Variants in ATRNL1 observed in about 807,000 individuals in gnomAD.
The protein encoded by ATRNL1 is attractin-like protein 1.
In ATRNL1, 95 loss-of-function variants were observed where a neutral mutation model predicts 182.7. The ratio of observed to expected loss-of-function variants is 0.52; its 90% CI spans 0.44 to 0.62. The LOEUF is 0.62. ATRNL1 is among the 20% of genes least tolerant of loss of function. The pLI, the probability that ATRNL1 is intolerant of heterozygous loss-of-function variation, is 0.00. For missense variants in ATRNL1, 1,471 were observed against 1,679.5 expected, an observed-to-expected ratio of 0.88 and a Z score of 2.17; for synonymous variants, 576 against 568.3, an observed-to-expected ratio of 1.01 and a Z score of -0.19.
At chr10:115,751,692 AG>A (rs1593168255) in intron 27 of ATRNL1, among the ~76,000 whole-genome samples, 2 of 152,208 alleles carry the variant, frequency 1.3e-5, no homozygotes, top group Non-Finnish European at 1.5e-5. Flanking sequence ...TGTACTATGC[AG>A]TTGTAAAAAA....
intron 8 of ATRNL1, among the ~76,000 whole-genome samples, chr10:115,205,829 A>G (rs1387631956): frequency 6.6e-6 from 1 of 152,002 alleles, no homozygotes; most frequent in Non-Finnish European, 1.5e-5. Context: ...GGCCATGTAA[A>G]TATTTTTGCT....
At chr10:115,203,745 A>ATTTTTTTTTTTTTT in intron 8 of ATRNL1, among the ~76,000 whole-genome samples, 1 of 106,050 alleles carries the variant, frequency 9.4e-6, no homozygotes, top group Non-Finnish European at 1.8e-5. Flanking sequence ...ATGCCTGGCT[A>ATTTTTTTTTTTTTT]TTTTTTTTTT....
intron 18 of ATRNL1, among the ~76,000 whole-genome samples, chr10:115,331,797 T>G (rs1855237196): frequency 6.6e-6 from 1 of 152,188 alleles, no homozygotes; most frequent in Non-Finnish European, 1.5e-5. Context: ...GAGCCCAGCT[T>G]TGACATGATT....
chr10:115,715,415 C>T (rs887498654), intron 26 of ATRNL1, among the ~76,000 whole-genome samples: 1 of 152,088 alleles, frequency 6.6e-6, no homozygotes, highest in African/African-American at 2.4e-5. Context: ...CCTTATCTGT[C>T]CTATCTTTTG....
chr10:115,584,881 C>A (rs1424656053), intron 26 of ATRNL1, among the ~76,000 whole-genome samples: 4 of 150,900 alleles, frequency 2.7e-5, no homozygotes, highest in Non-Finnish European at 5.9e-5. Flanking sequence ...CTCTTGTGGG[C>A]ATTTAGTGCT....
chr10:115,484,379 A>G (rs1848918172), intron 24 of ATRNL1, among the ~76,000 whole-genome samples: 1 of 151,546 alleles, frequency 6.6e-6, no homozygotes, highest in East Asian at 1.9e-4. Context: ...TTTACAGTTA[A>G]AAAAACCAAG....
At chr10:115,692,092 G>T (rs1052194641) in intron 26 of ATRNL1, among the ~76,000 whole-genome samples, 1 of 152,092 alleles carries the variant, frequency 6.6e-6, no homozygotes, top group Admixed American at 6.6e-5. Context: ...ACTTCATGAG[G>T]TTCTGAAACT....
intron 27 of ATRNL1, among the ~76,000 whole-genome samples, chr10:115,797,415 A>C (rs1949679641): frequency 6.6e-6 from 1 of 152,164 alleles, no homozygotes; most frequent in Non-Finnish European, 1.5e-5. Context: ...AGCAGGTATC[A>C]ACTTTTATAG....
intron 26 of ATRNL1, among the ~76,000 whole-genome samples, chr10:115,650,179 G>C (rs1859895704): frequency 6.6e-6 from 1 of 152,022 alleles, no homozygotes. Context: ...AAGCAAACGT[G>C]ATTTCATTAT....
intron 27 of ATRNL1, among the ~76,000 whole-genome samples, chr10:115,822,487 C>T (rs187151502): frequency 9.2e-5 from 14 of 152,090 alleles, no homozygotes; most frequent in South Asian, 2.1e-4. Flanking sequence ...TCAGTGAATC[C>T]AGGAGCTGGT....
intron 21 of ATRNL1, among the ~76,000 whole-genome samples, chr10:115,436,306 T>C (rs1846404134): frequency 6.6e-6 from 1 of 152,150 alleles, no homozygotes; most frequent in South Asian, 2.1e-4. Flanking sequence ...GGTCATGGCA[T>C]ATTATTAAAA....
intron 27 of ATRNL1, among the ~76,000 whole-genome samples, chr10:115,813,603 T>TATC (rs148182027): frequency 0.013 from 1,942 of 152,316 alleles, 37 homozygotes; most frequent in African/African-American, 0.043. Flanking sequence ...GGCATTAGAT[T>TATC]ATCACTAACA....
chr10:115,146,062 T>C (rs1000334427), intron 5 of ATRNL1, among the ~76,000 whole-genome samples: 4 of 152,058 alleles, frequency 2.6e-5, no homozygotes, highest in Admixed American at 2.0e-4. Context: ...TTTTTCTGGT[T>C]ATTAGACTTC....
intron 18 of ATRNL1, among the ~76,000 whole-genome samples, chr10:115,329,241 T>C (rs1180372459): frequency 6.6e-6 from 1 of 152,088 alleles, no homozygotes; most frequent in African/African-American, 2.4e-5. Context: ...TATTTCATTA[T>C]GGTCAGAAAA....
intron 19 of ATRNL1, among the ~76,000 whole-genome samples, chr10:115,355,107 T>G (rs1417583163): frequency 6.6e-6 from 1 of 152,150 alleles, no homozygotes; most frequent in African/African-American, 2.4e-5. Flanking sequence ...TGTCTGAGAA[T>G]ATATGTATCT....
In ATRNL1 at chr10:115,944,822, G is replaced by A. The variant is rs782394268; in HGVS notation, c.*43G>A. 80 of 1,583,724 alleles carry A rather than the reference G, an allele frequency of 5.1e-5. No homozygotes were observed. The Admixed American group carries it at 8.0e-4, about 16-fold the overall frequency. ...TGTATATTCTGTACTGTTTTACTTC[G>A]GGCTTCTGTTAAAGCTGTTCTATGG... On this transcript the variant is annotated 3_prime_UTR_variant, in exon 29 of 29. Transcript: ENST00000355044.
intron 26 of ATRNL1, among the ~76,000 whole-genome samples, chr10:115,630,907 C>A (rs1257529587): frequency 6.7e-6 from 1 of 149,220 alleles, no homozygotes; most frequent in African/African-American, 2.5e-5. Flanking sequence ...AAAGGAGATC[C>A]TGTCTTTTGC....
At chr10:115,231,094 G>A (rs1399395362) in intron 9 of ATRNL1, among the ~76,000 whole-genome samples, 7 of 152,068 alleles carry the variant, frequency 4.6e-5, no homozygotes, top group African/African-American at 1.7e-4. Flanking sequence ...ACAGCTTGTG[G>A]ATATGTTAAA....
intron 26 of ATRNL1, among the ~76,000 whole-genome samples, chr10:115,718,739 A>G (rs1328563190): frequency 6.6e-6 from 1 of 152,218 alleles, no homozygotes; most frequent in Non-Finnish European, 1.5e-5. Context: ...AAAATTCTGC[A>G]ATATTTTTGC....
Sources: allele counts gnomAD v4.1 joint callset (sites outside exome capture counted in the v4.1 genomes callset), GRCh38; gene constraint gnomAD v4.1.1; transcripts MANE v1.5; gene names NCBI Gene and HGNC (gene_info 2026-07-23, HGNC 2026-07-21).